COL23A1: variants seen among roughly 807,000 people sequenced by gnomAD.
COL23A1 encodes the protein collagen alpha-1(XXIII) chain.
A neutral mutation model predicts 99.3 loss-of-function variants in COL23A1; 97 were observed. That is an observed-to-expected ratio of 0.98 (90% CI 0.83 to 1.16). The LOEUF (loss-of-function observed/expected upper bound fraction) is 1.16, where lower values mean the gene tolerates loss of function less well. Ranked by LOEUF, COL23A1 falls within the 50% of genes most tolerant of loss-of-function variation. The probability of loss-of-function intolerance (pLI) is 0.00; values close to 1 mark genes in which losing one functional copy is unlikely to be tolerated. For synonymous variants in COL23A1, 320 were observed against 308.2 expected (o/e 1.04, Z -0.40); for missense variants, 762 against 757.4 (o/e 1.01, Z -0.07).
At chr5:178,554,399 G>A (rs186955911) in intron 2 of COL23A1, among the ~76,000 whole-genome samples, 31 of 152,098 alleles carry the variant, frequency 2.0e-4, no homozygotes, top group African/African-American at 6.7e-4. Context: ...GGCTGCTCTC[G>A]AACTCCTGAC....
chr5:178,481,097 G>A (rs1757308106), intron 2 of COL23A1, among the ~76,000 whole-genome samples: 1 of 131,604 alleles, frequency 7.6e-6, no homozygotes, highest in Non-Finnish European at 1.5e-5. Flanking sequence ...GCAGCGAGCC[G>A]AGATCGCACC....
chr5:178,369,715 C>T (rs1206570169), intron 2 of COL23A1, among the ~76,000 whole-genome samples: 7 of 150,266 alleles, frequency 4.7e-5, no homozygotes, highest in South Asian at 2.1e-4. Flanking sequence ...ATGTGACTTG[C>T]TCCTCCTTGC....
intron 18 of COL23A1, among the ~76,000 whole-genome samples, chr5:178,249,558 A>G (rs908077642): frequency 2.6e-5 from 4 of 152,142 alleles, no homozygotes; most frequent in Admixed American, 2.6e-4. Flanking sequence ...TCTTCCAGCC[A>G]CCGAATCCCT....
At chr5:178,513,565 C>T (rs975018468) in intron 2 of COL23A1, among the ~76,000 whole-genome samples, 7 of 152,178 alleles carry the variant, frequency 4.6e-5, no homozygotes, top group African/African-American at 1.7e-4. Context: ...TATCTCTTTC[C>T]TGCTCATCTG....
In COL23A1 at chr5:178,340,799, T is replaced by C. The variant is rs1295727120; in HGVS notation, c.362-33880A>G. Among the ~76,000 whole-genome samples the C allele has an allele frequency of 6.6e-6, 1 of 152,238 alleles. No homozygotes were observed. Among genetic ancestry groups the C allele is most frequent in the Non-Finnish European group, 1.5e-5 (1 of 68,040 alleles). On this transcript the variant is annotated intron_variant, in intron 2 of 28. Coordinates refer to ENST00000390654, the MANE Select transcript of COL23A1 (RefSeq NM_173465.4). The surrounding 1 kb of genome is among the most constrained non-coding windows in gnomAD (Gnocchi z 4.7). ...GCAAGGCCTGGCTTTTCTTACATGG[T>C]GCTCCCACTTTCCATCCAGAAAGCC...
rs138213745 is a variant in COL23A1, at chr5:178,325,203, T to C, written c.362-18284A>G. Among the ~76,000 whole-genome samples, 171 of 152,308 alleles carry C rather than the reference T, an allele frequency of 1.1e-3. 2 individuals carry two copies. In the South Asian group the frequency reaches 0.022, roughly 19 times the overall value. ...CGCTGCCTCCCCACTGCCTGCCCCG[T>C]TTCCTCTCTTGCCTCCTTCCTCTCA... On this transcript the variant is annotated intron_variant, in intron 2 of 28. Coordinates refer to ENST00000390654, the MANE Select transcript of COL23A1 (RefSeq NM_173465.4).
At chr5:178,391,208 T>C (rs1763944489) in intron 2 of COL23A1, among the ~76,000 whole-genome samples, 3 of 152,206 alleles carry the variant, frequency 2.0e-5, no homozygotes, top group Admixed American at 1.3e-4. Flanking sequence ...CCTTCCACCC[T>C]TGTCTGTGGA....
chr5:178,275,512 T>A (rs1465617704), intron 5 of COL23A1, among the ~76,000 whole-genome samples: 5 of 152,120 alleles, frequency 3.3e-5, no homozygotes, highest in African/African-American at 1.2e-4. Flanking sequence ...ATAAAGTTAA[T>A]TAGGGAAGAA....
At chr5:178,430,699 G>A (rs533760529) in intron 2 of COL23A1, among the ~76,000 whole-genome samples, 23 of 152,302 alleles carry the variant, frequency 1.5e-4, no homozygotes, top group African/African-American at 5.1e-4. Context: ...GGGAAATAGA[G>A]CATTCTGATA....
Position 178,309,201 on chromosome 5 carries a change from C to G in COL23A1, c.362-2282G>C, listed in dbSNP as rs1039959799. 1.3e-5 allele frequency among the ~76,000 whole-genome samples: 2 copies of G among 152,176 alleles called. No homozygotes were observed. Among genetic ancestry groups the G allele is most frequent in the Admixed American group, 1.3e-4 (2 of 15,276 alleles). On this transcript the variant is annotated intron_variant, in intron 2 of 28. Coordinates refer to ENST00000390654, the MANE Select transcript of COL23A1 (RefSeq NM_173465.4). The surrounding 1 kb of genome is among the most constrained non-coding windows in gnomAD (Gnocchi z 4.7). ...AAGACATCTGCCTGTGTTGGGGCAG[C>G]TGAACTAACGGATTTGTCTGGTGGC...
At chr5:178,248,615 G>A (rs1214033835) in intron 19 of COL23A1, among the ~76,000 whole-genome samples, 2 of 152,092 alleles carry the variant, frequency 1.3e-5, no homozygotes, top group Non-Finnish European at 2.9e-5. Flanking sequence ...TCTTCCAGTC[G>A]GGCCACAAAA....
Position 178,434,345 on chromosome 5 carries a change from A to G in COL23A1, c.361+126337T>C, listed in dbSNP as rs1424638533. 6.6e-6 allele frequency among the ~76,000 whole-genome samples: 1 copy of G among 152,206 alleles called. No homozygotes were observed. The highest frequency in any genetic ancestry group is 2.4e-5 in the African/African-American group (1 of 41,458). On this transcript the variant is annotated intron_variant, in intron 2 of 28. Transcript: ENST00000390654. This position sits in a 1 kb window ranked among gnomAD's most constrained non-coding sequence, Gnocchi z 4.3. ...GCCCCGAGGCACTGTTCTCCAGGAC[A>G]GATGCAGCAACCACACATGGTCCCA...
chr5:178,417,560 G>A (rs1346297694), intron 2 of COL23A1, among the ~76,000 whole-genome samples: 2 of 152,040 alleles, frequency 1.3e-5, no homozygotes, highest in African/African-American at 2.4e-5. Flanking sequence ...TTCCCCCAGC[G>A]AGATATCATT....
At chr5:178,440,016 G>C (rs1442642713) in intron 2 of COL23A1, 1 of 152,260 alleles carries the variant, frequency 6.6e-6, no homozygotes, top group Non-Finnish European at 1.5e-5. Context: ...GCTGGGGGAA[G>C]GAACGGGGAT....
At position 178,483,227 on chromosome 5, in the gene COL23A1, T is replaced by G. The variant is rs138011328; in HGVS notation, c.361+77455A>C. ...TCTAGAGTTAAATATTTGCATGTAA[T>G]TTCACACAGTTCTTCAAATGAGTCC... On this transcript the variant is annotated intron_variant, in intron 2 of 28. Transcript: ENST00000390654. Among the ~76,000 whole-genome samples, 227 of 152,336 alleles carry G rather than the reference T, an allele frequency of 1.5e-3. 1 individual carries two copies. Among genetic ancestry groups the G allele is most frequent in the African/African-American group, 4.9e-3 (205 of 41,578 alleles).
At chr5:178,363,418 C>G (rs1762281561) in intron 2 of COL23A1, among the ~76,000 whole-genome samples, 1 of 152,196 alleles carries the variant, frequency 6.6e-6, no homozygotes, top group South Asian at 2.1e-4. Flanking sequence ...CTCACTCATT[C>G]ACTGATTCAC....
At chr5:178,543,129 C>T (rs535703326) in intron 2 of COL23A1, among the ~76,000 whole-genome samples, 2 of 151,272 alleles carry the variant, frequency 1.3e-5, no homozygotes, top group African/African-American at 4.8e-5. Flanking sequence ...TTTTTTGAGC[C>T]GGAGTTTCGC....
intron 2 of COL23A1, among the ~76,000 whole-genome samples, chr5:178,491,439 T>C (rs1757929745): frequency 6.6e-6 from 1 of 152,226 alleles, no homozygotes; most frequent in East Asian, 1.9e-4. Flanking sequence ...GACATGACTT[T>C]CTGCAGAGGA....
intron 2 of COL23A1, among the ~76,000 whole-genome samples, chr5:178,531,828 G>A (rs954636173): frequency 3.3e-5 from 5 of 152,186 alleles, no homozygotes; most frequent in African/African-American, 9.7e-5. Flanking sequence ...CCTTCTAAGC[G>A]ATCCCTGCCC....
Sources: allele counts gnomAD v4.1 joint callset (sites outside exome capture counted in the v4.1 genomes callset), GRCh38; gene constraint gnomAD v4.1.1; non-coding constraint Gnocchi (gnomAD v3.1); transcripts MANE v1.5; gene names NCBI Gene and HGNC (gene_info 2026-07-23, HGNC 2026-07-21).